The following DHX37 variants were observed in gnomAD, a reference collection of about 807,000 sequenced individuals.
The protein encoded by DHX37 is DEAH-box helicase 37.
DHX37 carries 52 observed loss-of-function variants against 134.3 expected under a neutral mutation model. The observed-to-expected ratio is 0.39, with a 90% CI of 0.31 to 0.49. The LOEUF is 0.49. Among genes scored for constraint, DHX37 ranks in the 20% least tolerant of loss-of-function variants. The pLI, the probability that DHX37 is intolerant of heterozygous loss-of-function variation, is 0.93. For synonymous variants in DHX37, 634 were observed against 670.7 expected (o/e 0.95, Z 0.85); for missense variants, 1,344 against 1,580.8 (o/e 0.85, Z 2.54).
rs4076777 is a variant in DHX37 at position 124,964,414 on chromosome 12, C to T, written c.2025G>A (p.Thr675=). ...ADQRAGRAGR[T]EPGHCYRLYS... ...CCCACCTGTAGCAGTGGCCGGGCTC[C>T]GTCCGTCCTGCTCTGCCCGCTCGCT... is the stretch of plus-strand genomic sequence containing the variant. The change falls in exon 15 of 27, where the codon ACG becomes ACA. Residue 675 remains threonine, a synonymous_variant. Transcript: ENST00000308736. 0.35 allele frequency: 557,152 copies of T among 1,613,412 alleles called. 100,193 individuals carry two copies. Among genetic ancestry groups the T allele is most frequent in the East Asian group, 0.66 (29,630 of 44,848 alleles).
intron 6 of DHX37, among the ~76,000 whole-genome samples, chr12:124,972,826 G>A (rs1565888559): frequency 6.6e-6 from 1 of 152,250 alleles, no homozygotes; most frequent in Non-Finnish European, 1.5e-5. Context: ...GCCAGGCCCT[G>A]AACACCTCGG....
Position 124,947,618 on chromosome 12 carries a change from G to T in DHX37, c.*184C>A. ...TCAAAAAGTCACCCCCGGGCCAGAT[G>T]GCACGGGCGGCAGCACCCTTCATAC... On this transcript the variant is annotated 3_prime_UTR_variant, in exon 27 of 27. Coordinates refer to ENST00000308736, the MANE Select transcript of DHX37 (RefSeq NM_032656.4). 1 of 699,198 alleles carries T rather than the reference G, an allele frequency of 1.4e-6. No homozygotes were observed. The highest frequency in any genetic ancestry group is 2.4e-5 in the South Asian group (1 of 41,992). 43.3% of individuals were successfully genotyped at this position (699,198 alleles called of 1,614,324 possible).
intron 5 of DHX37, 34 bp downstream of exon 5, chr12:124,977,308 G>A (rs763689721): frequency 2.4e-5 from 36 of 1,485,266 alleles, no homozygotes; most frequent in South Asian, 2.0e-4. Flanking sequence ...GTGTCACTGA[G>A]GGACCCAGAG....
At chr12:124,966,767 G>A in intron 12 of DHX37, 26 bp downstream of exon 12, 1 of 1,612,720 alleles carries the variant, frequency 6.2e-7, no homozygotes, top group South Asian at 1.1e-5. Context: ...TTACTCTCCA[G>A]GAGTCCCTGC....
intron 5 of DHX37, among the ~76,000 whole-genome samples, chr12:124,976,107 C>A (rs138139913): frequency 0.011 from 1,605 of 152,252 alleles, 23 homozygotes; most frequent in African/African-American, 0.035. Flanking sequence ...AGCCGTGGAC[C>A]CTGAATCTCT....
intron 25 of DHX37, 158 bp from the exon 26 acceptor site, chr12:124,948,339 A>G: frequency 1.5e-6 from 2 of 1,320,544 alleles, no homozygotes; most frequent in Non-Finnish European, 2.0e-6. Context: ...AGCCCCAGTT[A>G]CTCAGGGGGC....
At chr12:124,972,380 G>T in intron 7 of DHX37, 123 bp downstream of exon 7, 1 of 959,034 alleles carries the variant, frequency 1.0e-6, no homozygotes, top group Non-Finnish European at 1.7e-6. Context: ...AAGTCACACA[G>T]CAGCACCGTG....
chr12:124,955,563 C>T (rs540216316), intron 18 of DHX37, among the ~76,000 whole-genome samples: 2 of 152,308 alleles, frequency 1.3e-5, no homozygotes, highest in African/African-American at 2.4e-5. Context: ...CTGCCTGCCT[C>T]GGCCTCCCAA....
chr12:124,958,695 C>T (rs148086776), intron 16 of DHX37, among the ~76,000 whole-genome samples: 36 of 151,278 alleles, frequency 2.4e-4, no homozygotes, highest in African/African-American at 7.5e-4. Context: ...GGCGTGATCT[C>T]GGCTCACTGC....
chr12:124,962,863 G>C lies in DHX37; in HGVS notation c.2045+1531C>G, dbSNP rs574632411. 2.0e-5 allele frequency among the ~76,000 whole-genome samples: 3 copies of C among 152,092 alleles called. No individual in the cohort carries two copies. In the South Asian group the frequency reaches 6.2e-4, roughly 32 times the overall value. Reference sequence around the variant, plus strand: ...AAAAAAAAAAAATTAAAAAGTGCTGGTGAGGACGTGAAGAAACTGAAACCC... The same window carrying C: ...AAAAAAAAAAAATTAAAAAGTGCTGCTGAGGACGTGAAGAAACTGAAACCC... On this transcript the variant is annotated intron_variant, in intron 15 of 26. Coordinates refer to ENST00000308736, the MANE Select transcript of DHX37 (RefSeq NM_032656.4).
Position 124,965,690 on chromosome 12 carries a change from C to G in DHX37, c.1713G>C (p.Leu571=). 1.2e-6 allele frequency: 2 copies of G among 1,612,676 alleles called. No individual in the cohort carries two copies. The highest frequency in any genetic ancestry group is 8.5e-7 in the Non-Finnish European group (1 of 1,179,274). ...CACCTCCATCTTGCCCGCCATCCCCCAGGTCCAGATCGAGGTCGGAGTCCA... is the reference window on the plus strand; with the variant it reads ...CACCTCCATCTTGCCCGCCATCCCCGAGGTCCAGATCGAGGTCGGAGTCCA... ...GALDSDLDLD[L]GDGGQDGGEQ... Residue 571 remains leucine, a synonymous_variant, in exon 13 of 27, where the codon CTG becomes CTC. Coordinates refer to ENST00000308736, the MANE Select transcript of DHX37 (RefSeq NM_032656.4).
intron 7 of DHX37, 131 bp downstream of exon 7, chr12:124,972,372 G>T: frequency 1.1e-6 from 1 of 896,892 alleles, no homozygotes; most frequent in Non-Finnish European, 1.8e-6. Context: ...CTCACCCAAA[G>T]TCACACAGCA....
intron 1 of DHX37, 42 bp downstream of exon 1, chr12:124,988,875 G>C: frequency 8.0e-7 from 1 of 1,256,622 alleles, no homozygotes; most frequent in Non-Finnish European, 1.0e-6. Flanking sequence ...AGGCCGCCCT[G>C]GGAAATCTCC....
intron 12 of DHX37, 94 bp downstream of exon 12, chr12:124,966,699 A>T: frequency 7.8e-7 from 1 of 1,276,834 alleles, no homozygotes; most frequent in Non-Finnish European, 1.1e-6. Flanking sequence ...TATTCCAATT[A>T]CACTTAAACC....
At position 124,949,956 on chromosome 12, in the gene DHX37, C is replaced by T. The variant is rs531099187; in HGVS notation, c.3290+30G>A. ...CATTCAGGCCTCGGACCCCTCCTGC[C>T]CACTGCGAGGCTCCCACCGAAGGCA... On this transcript the variant is annotated intron_variant, in intron 25 of 26. Coordinates refer to ENST00000308736, the MANE Select transcript of DHX37 (RefSeq NM_032656.4). The surrounding 1 kb of genome is among the most constrained non-coding windows in gnomAD (Gnocchi z 4.0). 7.0e-5 allele frequency: 111 copies of T among 1,587,486 alleles called. No homozygotes were observed. In the Middle Eastern group the frequency reaches 2.3e-3, roughly 34 times the overall value.
At chr12:124,951,662 G>C (rs1953979805) in intron 21 of DHX37, among the ~76,000 whole-genome samples, 1 of 152,192 alleles carries the variant, frequency 6.6e-6, no homozygotes, top group Admixed American at 6.5e-5. Flanking sequence ...AGGCCAAGGT[G>C]GAAGGATTCC....
At position 124,952,460 on chromosome 12, in the gene DHX37, G is replaced by A; in HGVS notation, c.2806C>T (p.His936Tyr). 6.2e-7 allele frequency: 1 copy of A among 1,611,360 alleles called. No individual in the cohort carries two copies. The highest frequency in any genetic ancestry group is 8.5e-7 in the Non-Finnish European group (1 of 1,179,226). ...RQIVTAGLGD[H>Y]LARRVQSEEM... Reference sequence around the variant, plus strand: ...TCGCTCTGGACCCTGCGGGCCAAGTGGTCCCCCAGGCCTGCCGTCACGATC... The same window carrying A: ...TCGCTCTGGACCCTGCGGGCCAAGTAGTCCCCCAGGCCTGCCGTCACGATC... Residue 936 changes from histidine (H) to tyrosine (Y), a missense_variant, in exon 21 of 27, where the codon CAC (histidine) becomes TAC (tyrosine). Transcript: ENST00000308736.
intron 6 of DHX37, among the ~76,000 whole-genome samples, chr12:124,973,744 G>C (rs7973940): frequency 0.65 from 98,423 of 150,466 alleles, 32,689 homozygotes; most frequent in East Asian, 0.77. Context: ...CGGGTTCAAG[G>C]GATTCTTCTG....
At chr12:124,955,690 C>G (rs1388596990) in intron 18 of DHX37, among the ~76,000 whole-genome samples, 1 of 152,266 alleles carries the variant, frequency 6.6e-6, no homozygotes. Flanking sequence ...AATTAAAACT[C>G]TGTCCGTGCA....
Sources: allele counts gnomAD v4.1 joint callset (sites outside exome capture counted in the v4.1 genomes callset), GRCh38; gene constraint gnomAD v4.1.1; non-coding constraint Gnocchi (gnomAD v3.1); transcripts MANE v1.5; gene names NCBI Gene and HGNC (gene_info 2026-07-23, HGNC 2026-07-21).